ZNF804B: variants seen among roughly 807,000 people sequenced by gnomAD.
The protein encoded by ZNF804B is zinc finger protein 804B.
Under a neutral mutation model 101.4 loss-of-function variants are expected in ZNF804B, and 80 were observed. The ratio of observed to expected loss-of-function variants is 0.79; its 90% confidence interval spans 0.66 to 0.95. The LOEUF (loss-of-function observed/expected upper bound fraction) is 0.95. ZNF804B is among the 40% of genes least tolerant of loss of function. The pLI is 0.00. For missense variants in ZNF804B, 1,673 were observed against 1,561.9 expected (o/e 1.07, Z -1.20); for synonymous variants, 622 against 558.8 (o/e 1.11, Z -1.59).
intron 1 of ZNF804B, among the ~76,000 whole-genome samples, chr7:89,041,244 G>C (rs534307618): frequency 4.3e-4 from 65 of 152,316 alleles, no homozygotes; most frequent in African/African-American, 1.3e-3. Context: ...CTGTTCCTGA[G>C]TCTGTGGGAG....
At chr7:89,261,378 T>G (rs1159982494) in intron 2 of ZNF804B, among the ~76,000 whole-genome samples, 2 of 152,166 alleles carry the variant, frequency 1.3e-5, no homozygotes, top group African/African-American at 4.8e-5. Context: ...TTTTTTGACC[T>G]ATATTTTATA....
rs780981390 is a variant in ZNF804B at position 89,074,190 on chromosome 7, G to C, written c.109-143965G>C. On this transcript the variant is annotated intron_variant, in intron 1 of 3. Transcript: ENST00000333190. ...CATTCTAATTGTTTTATGCCAACTTGAGTTGAATTTCTTGTAAAGTCAAAG... is the reference window on the plus strand; with the variant it reads ...CATTCTAATTGTTTTATGCCAACTTCAGTTGAATTTCTTGTAAAGTCAAAG... Among the ~76,000 whole-genome samples the C allele has an allele frequency of 7.2e-4, 109 of 152,292 alleles. 2 individuals are homozygous for C. The Middle Eastern group carries it at 0.014, about 19-fold the overall frequency.
At chr7:88,819,449 A>G (rs145103876) in intron 1 of ZNF804B, among the ~76,000 whole-genome samples, 6 of 151,970 alleles carry the variant, frequency 3.9e-5, no homozygotes, top group Non-Finnish European at 5.9e-5. Flanking sequence ...CACATTTTCT[A>G]TGTCTCCTTG....
chr7:89,271,802 CTGTATG>C (rs1438428534), intron 2 of ZNF804B, among the ~76,000 whole-genome samples: 1 of 151,904 alleles, frequency 6.6e-6, no homozygotes, highest in Non-Finnish European at 1.5e-5. Flanking sequence ...TCTTGGGAGG[CTGTATG>C]TGTCCAGAAA....
Position 89,155,902 on chromosome 7 carries a change from TTCTTTCTTTC to T in ZNF804B, c.109-62242_109-62233del. On this transcript the variant is annotated intron_variant, in intron 1 of 3. Transcript: ENST00000333190. ...CTCCTTCCTTCTCTCTCTTTCTTCT[TTCTTTCTTTC>T]TCTTTCTTTCCCTTGCTTTCCCTTT... 1.3e-5 allele frequency among the ~76,000 whole-genome samples: 2 copies of T among 151,816 alleles called. 1 individual carries two copies.
At chr7:89,280,016 G>C (rs1208867) in intron 2 of ZNF804B, among the ~76,000 whole-genome samples, 42,658 of 150,944 alleles carry the variant, frequency 0.28, 6,170 homozygotes, top group African/African-American at 0.33. Context: ...AAGTAAAGCT[G>C]TCCTCAGCAA....
At chr7:89,331,625 A>C (rs545891879) in intron 3 of ZNF804B, among the ~76,000 whole-genome samples, 1 of 151,856 alleles carries the variant, frequency 6.6e-6, no homozygotes, top group Non-Finnish European at 1.5e-5. Context: ...TTCTAAAATC[A>C]TTAAAAGCTA....
intron 1 of ZNF804B, among the ~76,000 whole-genome samples, chr7:89,007,536 T>G (rs1330557672): frequency 1.7e-5 from 1 of 58,394 alleles, no homozygotes; most frequent in African/African-American, 4.7e-5. Flanking sequence ...ATATCTATTA[T>G]AATTATATAT....
chr7:88,825,614 G>A (rs1356477226), intron 1 of ZNF804B, among the ~76,000 whole-genome samples: 1 of 152,104 alleles, frequency 6.6e-6, no homozygotes, highest in South Asian at 2.1e-4. Flanking sequence ...GCATCACTGT[G>A]TCCCTGGCTA....
chr7:88,883,542 G>A (rs1792074751), intron 1 of ZNF804B, among the ~76,000 whole-genome samples: 1 of 152,094 alleles, frequency 6.6e-6, no homozygotes, highest in African/African-American at 2.4e-5. Flanking sequence ...TTAAGTGGAG[G>A]TGACCACTAT....
chr7:88,877,022 ATATAATATAT>A (rs1332383651), intron 1 of ZNF804B, among the ~76,000 whole-genome samples: 23 of 69,338 alleles, frequency 3.3e-4, no homozygotes, highest in South Asian at 1.4e-3. Flanking sequence ...ATATATATAT[ATATAATATAT>A]ATATATATAT....
At chr7:88,846,800 A>G (rs917964972) in intron 1 of ZNF804B, among the ~76,000 whole-genome samples, 1 of 152,070 alleles carries the variant, frequency 6.6e-6, no homozygotes, top group Non-Finnish European at 1.5e-5. Flanking sequence ...ATGTGTGTAT[A>G]TATGTCTACA....
chr7:88,900,736 T>A (rs1256585791), intron 1 of ZNF804B, among the ~76,000 whole-genome samples: 1 of 151,372 alleles, frequency 6.6e-6, no homozygotes, highest in Non-Finnish European at 1.5e-5. Context: ...TTATGCAATC[T>A]CTTTTGTACT....
At chr7:88,916,853 A>G (rs1792640232) in intron 1 of ZNF804B, among the ~76,000 whole-genome samples, 1 of 152,186 alleles carries the variant, frequency 6.6e-6, no homozygotes, top group African/African-American at 2.4e-5. Flanking sequence ...TCTTAAGGTT[A>G]TATATGTACT....
At chr7:88,955,933 A>G (rs550884011) in intron 1 of ZNF804B, among the ~76,000 whole-genome samples, 1 of 151,850 alleles carries the variant, frequency 6.6e-6, no homozygotes, top group East Asian at 2.0e-4. Flanking sequence ...AAGGATCTGA[A>G]TAGACATTTC....
At chr7:89,215,911 A>G (rs925050019) in intron 1 of ZNF804B, among the ~76,000 whole-genome samples, 1 of 150,674 alleles carries the variant, frequency 6.6e-6, no homozygotes, top group Non-Finnish European at 1.5e-5. Flanking sequence ...AAATAAATAA[A>G]TAAATAAATA....
chr7:88,854,481 C>CTTTCTTTCTTTCTTTCTTTCT (rs1207111221), intron 1 of ZNF804B, among the ~76,000 whole-genome samples: 3 of 39,786 alleles, frequency 7.5e-5, no homozygotes, highest in African/African-American at 1.3e-4. Flanking sequence ...CTTTCTCTTT[C>CTTTCTTTCTTTCTTTCTTTCT]CTTTCCTTTC....
intron 1 of ZNF804B, chr7:88,794,922 G>A (rs764539880): frequency 6.3e-7 from 1 of 1,594,362 alleles, no homozygotes; most frequent in Admixed American, 1.8e-5. Context: ...TGCCCTTCTG[G>A]TTATGGACCG....
At chr7:88,778,050 A>T (rs1440239946) in intron 1 of ZNF804B, among the ~76,000 whole-genome samples, 1 of 152,176 alleles carries the variant, frequency 6.6e-6, no homozygotes, top group Non-Finnish European at 1.5e-5. Flanking sequence ...TGAAAAAAAT[A>T]ACATAAGTTT....
Sources: allele counts gnomAD v4.1 joint callset (sites outside exome capture counted in the v4.1 genomes callset), GRCh38; gene constraint gnomAD v4.1.1; transcripts MANE v1.5; gene names NCBI Gene and HGNC (gene_info 2026-07-23, HGNC 2026-07-21).